ATAD1: variants seen among roughly 807,000 people sequenced by gnomAD.
ATAD1 encodes the protein ATPase family AAA domain containing 1, also known as outer mitochondrial transmembrane helix translocase.
A neutral mutation model predicts 42.7 loss-of-function variants in ATAD1; 18 were observed. That is an observed-to-expected ratio of 0.42 (90% CI 0.29 to 0.63). ATAD1 has a LOEUF of 0.63. ATAD1 is among the 20% of genes least tolerant of loss of function. The pLI is 0.19. For missense variants in ATAD1, 294 were observed against 440.4 expected (o/e 0.67, Z 2.98); for synonymous variants, 132 against 143.1 (o/e 0.92, Z 0.55).
At chr10:87,822,264 A>T (rs1857644990), upstream of ATAD1, among the ~76,000 whole-genome samples, 1 of 152,242 alleles carries the variant, frequency 6.6e-6, no homozygotes, top group South Asian at 2.1e-4. Flanking sequence ...GGATAATTTC[A>T]ATCATTATTT....
At chr10:87,785,564 T>G (rs140937925) in intron 4 of ATAD1, among the ~76,000 whole-genome samples, 1 of 150,996 alleles carries the variant, frequency 6.6e-6, no homozygotes, top group African/African-American at 2.4e-5. Context: ...GCTCAACTTT[T>G]CCTATGAAAC....
chr10:87,831,452 G>A (rs1219295054), intron 1 of ATAD1, among the ~76,000 whole-genome samples: 1 of 152,186 alleles, frequency 6.6e-6, no homozygotes, highest in East Asian at 1.9e-4. Context: ...TGGAATATAT[G>A]CTTCAAGAGT....
chr10:87,759,227 C>T (rs1389519016), intron 8 of ATAD1, among the ~76,000 whole-genome samples: 1 of 151,948 alleles, frequency 6.6e-6, no homozygotes, highest in African/African-American at 2.4e-5. Context: ...TATACCTATA[C>T]ACATGCATTA....
At chr10:87,767,437 C>A (rs1455664324) in intron 8 of ATAD1, among the ~76,000 whole-genome samples, 1 of 152,152 alleles carries the variant, frequency 6.6e-6, no homozygotes, top group Non-Finnish European at 1.5e-5. Flanking sequence ...GTTTGCAATC[C>A]TATGAGAATC....
intron 2 of ATAD1, among the ~76,000 whole-genome samples, chr10:87,801,496 T>A (rs1191460898): frequency 3.2e-5 from 3 of 92,492 alleles, no homozygotes; most frequent in Non-Finnish European, 7.4e-5. Flanking sequence ...GTTATTAGTA[T>A]GTGTCCTAAA....
At chr10:87,772,247 G>A (rs1436410906) in intron 6 of ATAD1, among the ~76,000 whole-genome samples, 5 of 151,182 alleles carry the variant, frequency 3.3e-5, no homozygotes, top group Non-Finnish European at 7.4e-5. Flanking sequence ...AAAGTAGCTG[G>A]GACTACAGGC....
At chr10:87,773,973 CT>C (rs903378539) in intron 6 of ATAD1, among the ~76,000 whole-genome samples, 1 of 152,132 alleles carries the variant, frequency 6.6e-6, no homozygotes, top group African/African-American at 2.4e-5. Context: ...AAAAATGTTT[CT>C]ATTAATGTTA....
intron 1 of ATAD1, among the ~76,000 whole-genome samples, chr10:87,837,220 C>G (rs1857945904): frequency 6.6e-6 from 1 of 152,066 alleles, no homozygotes; most frequent in South Asian, 2.1e-4. Context: ...TGAATTGTAT[C>G]CCAGACATTT....
intron 1 of ATAD1, among the ~76,000 whole-genome samples, chr10:87,829,227 T>G (rs1857783288): frequency 7.7e-6 from 1 of 129,696 alleles, no homozygotes; most frequent in South Asian, 2.5e-4. Context: ...GATTCATTAT[T>G]TTATTTATTA....
At chr10:87,773,957 T>C (rs1855171153) in intron 6 of ATAD1, among the ~76,000 whole-genome samples, 1 of 152,214 alleles carries the variant, frequency 6.6e-6, no homozygotes, top group African/African-American at 2.4e-5. Context: ...AAACCAATTA[T>C]TAATGAAAAA....
At chr10:87,803,010 CACTTAA>C (rs1423539671) in intron 2 of ATAD1, among the ~76,000 whole-genome samples, 1 of 152,198 alleles carries the variant, frequency 6.6e-6, no homozygotes, top group East Asian at 1.9e-4. Context: ...TGAAGCTAGA[CACTTAA>C]ACTTCAGAAG....
chr10:87,834,665 G>A (rs192647899), intron 1 of ATAD1, among the ~76,000 whole-genome samples: 56 of 151,912 alleles, frequency 3.7e-4, no homozygotes, highest in Admixed American at 5.9e-4. Context: ...TCTTTTCTTC[G>A]TAATCTTGCA....
At chr10:87,766,861 T>C (rs145149369) in intron 8 of ATAD1, among the ~76,000 whole-genome samples, 1 of 151,430 alleles carries the variant, frequency 6.6e-6, no homozygotes, top group East Asian at 1.9e-4. Context: ...AAAGAGAAGA[T>C]TTTTCTCCGT....
chr10:87,755,698 CAGG>C (rs1339775472), intron 9 of ATAD1, among the ~76,000 whole-genome samples: 1 of 152,072 alleles, frequency 6.6e-6, no homozygotes, highest in African/African-American at 2.4e-5. Flanking sequence ...CACCTGAGGT[CAGG>C]AGTTCGAGAC....
chr10:87,760,749 G>C (rs565238004), intron 8 of ATAD1, among the ~76,000 whole-genome samples: 2 of 152,176 alleles, frequency 1.3e-5, no homozygotes, highest in African/African-American at 4.8e-5. Flanking sequence ...GAGACTGTCA[G>C]TTCTGTCTCA....
In ATAD1 at chr10:87,770,948, C is replaced by T. The variant is rs11202549; in HGVS notation, c.780+4G>A. The T allele has an allele frequency of 6.2e-7, 1 of 1,612,064 alleles. No individual in the cohort carries two copies. Among genetic ancestry groups the T allele is most frequent in the Non-Finnish European group, 8.5e-7 (1 of 1,178,592 alleles). ...TCTTCATAATATCAATCAAGACCAC[C>T]TACAGGCTGGTTGATATGAAATCTT... On this transcript the variant is annotated splice_donor_region_variant and intron_variant, in intron 7 of 9. Transcript: ENST00000680024.
chr10:87,751,683 TAATG>T lies in ATAD1; in HGVS notation c.*3000_*3003del, dbSNP rs1854029157. ...ATAACTAAATCTATAACAAATTTAATAATGAAGGCTCTGAAAGATTTCTGTCAGC... is the reference window on the plus strand; with the variant it reads ...ATAACTAAATCTATAACAAATTTAATAAGGCTCTGAAAGATTTCTGTCAGC... On this transcript the variant is annotated 3_prime_UTR_variant, in exon 10 of 10. Coordinates refer to ENST00000680024, the MANE Select transcript of ATAD1 (RefSeq NM_001321967.2). 1 of 152,332 alleles carries T rather than the reference TAATG, an allele frequency of 6.6e-6. No individual in the cohort carries two copies. Among genetic ancestry groups the T allele is most frequent in the South Asian group, 2.1e-4 (1 of 4,832 alleles). The allele number at this position is 152,332 out of a possible 1,614,324, so 9.4% of individuals were successfully genotyped here. A position where few individuals can be genotyped will look rare whatever the true frequency, so the allele number is the denominator to read the frequency against.
intron 3 of ATAD1, 60 bp downstream of exon 3, chr10:87,792,596 CA>C: frequency 7.8e-7 from 1 of 1,286,470 alleles, no homozygotes; most frequent in East Asian, 2.3e-5. Flanking sequence ...ACCCCTGACA[CA>C]AAATGCTAGA....
At chr10:87,829,131 A>G (rs10887755) in intron 1 of ATAD1, among the ~76,000 whole-genome samples, 22,738 of 152,178 alleles carry the variant, frequency 0.15, 1,784 homozygotes, top group South Asian at 0.28. Context: ...TACTAGAGAA[A>G]TACATTTTAT....
Sources: allele counts gnomAD v4.1 joint callset (sites outside exome capture counted in the v4.1 genomes callset), GRCh38; gene constraint gnomAD v4.1.1; transcripts MANE v1.5; gene names NCBI Gene and HGNC (gene_info 2026-07-23, HGNC 2026-07-21).